CCDC110: variants seen among roughly 807,000 people sequenced by gnomAD.
The protein encoded by CCDC110 is coiled-coil domain-containing protein 110.
Under a neutral mutation model 77.1 loss-of-function variants are expected in CCDC110, and 70 were observed. That is an observed-to-expected ratio of 0.91 (90% CI 0.75 to 1.11). CCDC110 has a LOEUF of 1.11. Among genes scored for constraint, CCDC110 ranks in the 50% least tolerant of loss-of-function variants. The pLI, the probability that CCDC110 is intolerant of heterozygous loss-of-function variation, is 0.00. For synonymous variants in CCDC110, 295 were observed against 312.5 expected (o/e 0.94, Z 0.59); for missense variants, 868 against 942.9 (o/e 0.92, Z 1.04).
rs751181963 is a variant in CCDC110 at position 185,471,676 on chromosome 4, G to A, written c.8C>T (p.Pro3Leu). Reference protein sequence around the residue: MSPEKQHREEDEV... With the variant: MSLEKQHREEDEV... The stretch of plus-strand genomic sequence containing the variant: ...GCCCCGCCCCGTCCAACTCTTACCC[G>A]GGCTCATCGCCGCGGCTCATCTCTC... Residue 3 changes from proline (P) to leucine (L), a missense_variant and splice_region_variant, in exon 1 of 7, where the codon CCG becomes CTG. By Grantham distance (98) the Pro-to-Leu change is moderately conservative. Transcript: ENST00000307588. 8.4e-6 allele frequency: 13 copies of A among 1,554,330 alleles called. No individual in the cohort carries two copies. The highest frequency in any genetic ancestry group is 1.0e-5 in the Non-Finnish European group (12 of 1,154,614).
intron 2 of CCDC110, among the ~76,000 whole-genome samples, chr4:185,464,094 T>C (rs2095651263): frequency 6.6e-6 from 1 of 152,224 alleles, no homozygotes; most frequent in South Asian, 2.1e-4. Flanking sequence ...GTAAACTTTT[T>C]ATTAAAGAGT....
chr4:185,457,355 T>C, intron 6 of CCDC110: 1 of 455,960 alleles, frequency 2.2e-6, no homozygotes, highest in Non-Finnish European at 4.4e-6. Flanking sequence ...GGCATCTTAC[T>C]ATCCGTTATA....
At chr4:185,457,392 T>C (rs1324220793) in intron 6 of CCDC110, 2 of 444,304 alleles carry the variant, frequency 4.5e-6, no homozygotes, top group East Asian at 6.8e-5. Flanking sequence ...GCTCACTCTC[T>C]CCTGTAATGC....
intron 2 of CCDC110, among the ~76,000 whole-genome samples, chr4:185,464,592 C>A (rs1384473569): frequency 6.6e-6 from 1 of 152,202 alleles, no homozygotes; most frequent in East Asian, 1.9e-4. Flanking sequence ...AAAGTAACCT[C>A]TTCTAATGAA....
At chr4:185,455,514 A>G (rs2095634708) in intron 6 of CCDC110, among the ~76,000 whole-genome samples, 2 of 152,220 alleles carry the variant, frequency 1.3e-5, no homozygotes, top group Non-Finnish European at 2.9e-5. Flanking sequence ...CCCTAGGGAT[A>G]ATGAAGGTTA....
chr4:185,462,303 C>G (rs1336216827), intron 4 of CCDC110, among the ~76,000 whole-genome samples: 10 of 152,112 alleles, frequency 6.6e-5, no homozygotes, highest in Non-Finnish European at 1.3e-4. Flanking sequence ...CCAGGACTTT[C>G]ATTTACTTGA....
At chr4:185,452,356 T>A (rs1408194677) in intron 6 of CCDC110, 3 of 985,294 alleles carry the variant, frequency 3.0e-6, no homozygotes, top group Non-Finnish European at 3.6e-6. Context: ...TCTGCTTACA[T>A]CTGTTCAAGG....
chr4:185,453,659 C>T (rs1223186793), intron 6 of CCDC110, among the ~76,000 whole-genome samples: 3 of 151,236 alleles, frequency 2.0e-5, no homozygotes, highest in African/African-American at 7.3e-5. Flanking sequence ...GCAATCCTGC[C>T]ACAGCCTCCT....
chr4:185,465,932 GA>G (rs2153323921), intron 2 of CCDC110, among the ~76,000 whole-genome samples: 1 of 152,298 alleles, frequency 6.6e-6, no homozygotes, highest in Non-Finnish European at 1.5e-5. Context: ...TTTACTGGGG[GA>G]AAACAGTAGA....
In CCDC110 at chr4:185,459,498, G is replaced by T; in HGVS notation, c.1089C>A (p.Ile363=). ...KNEKNNKEIP[I]TGKNITDLKF... ...TTAAATCTGTAATATTTTTGCCAGT[G>T]ATGGGAATTTCTTTATTGTTTTTCT... The change falls in exon 6 of 7, where the codon ATC becomes ATA. Residue 363 remains isoleucine, a synonymous_variant. Transcript: ENST00000307588. 1 of 1,613,590 alleles carries T rather than the reference G, an allele frequency of 6.2e-7. No individual in the cohort carries two copies. The highest frequency in any genetic ancestry group is 1.1e-5 in the South Asian group (1 of 91,052).
intron 6 of CCDC110, among the ~76,000 whole-genome samples, chr4:185,457,493 G>A (rs1164900572): frequency 6.6e-6 from 1 of 152,148 alleles, no homozygotes; most frequent in Non-Finnish European, 1.5e-5. Context: ...TCCTGCTATT[G>A]TAACAAACTC....
At chr4:185,456,302 T>A (rs1194604437) in intron 6 of CCDC110, among the ~76,000 whole-genome samples, 1 of 152,076 alleles carries the variant, frequency 6.6e-6, no homozygotes, top group East Asian at 1.9e-4. Context: ...TTGAACTGAA[T>A]GAAAATGAAA....
chr4:185,454,476 G>T (rs2095633331), intron 6 of CCDC110, among the ~76,000 whole-genome samples: 1 of 152,030 alleles, frequency 6.6e-6, no homozygotes, highest in South Asian at 2.1e-4. Flanking sequence ...CACTTTGGGA[G>T]GCTGAGGCGG....
intron 2 of CCDC110, among the ~76,000 whole-genome samples, chr4:185,465,823 G>A (rs1261306850): frequency 1.3e-5 from 2 of 152,146 alleles, no homozygotes; most frequent in Non-Finnish European, 2.9e-5. Context: ...TGGAGATGAA[G>A]CCAGCAGCAT....
At chr4:185,453,670 A>G (rs893734610) in intron 6 of CCDC110, among the ~76,000 whole-genome samples, 1 of 149,900 alleles carries the variant, frequency 6.7e-6, no homozygotes, top group Non-Finnish European at 1.5e-5. Context: ...ACAGCCTCCT[A>G]AGTAGCTGGG....
chr4:185,453,662 AG>A (rs2095632275), intron 6 of CCDC110, among the ~76,000 whole-genome samples: 1 of 148,896 alleles, frequency 6.7e-6, no homozygotes, highest in Non-Finnish European at 1.5e-5. Context: ...ATCCTGCCAC[AG>A]CCTCCTAAGT....
At chr4:185,455,510 G>T (rs190477353) in intron 6 of CCDC110, among the ~76,000 whole-genome samples, 144 of 152,206 alleles carry the variant, frequency 9.5e-4, no homozygotes, top group African/African-American at 3.3e-3. Context: ...ATACCCCTAG[G>T]GATAATGAAG....
chr4:185,458,541 AT>A lies in CCDC110; in HGVS notation c.2045del (p.Asn682MetfsTer27). 6.2e-7 allele frequency: 1 copy of A among 1,608,006 alleles called. No homozygotes were observed. Among genetic ancestry groups the A allele is most frequent in the Non-Finnish European group, 8.5e-7 (1 of 1,179,122 alleles). Reference sequence around the variant, plus strand: ...TATAAATACTTGCTTCTGATTTTGCATTTTTTATTTCTTGCAGAAAATTCTC... The same window carrying A: ...TATAAATACTTGCTTCTGATTTTGCATTTTTATTTCTTGCAGAAAATTCTC... ...AEENFLQEIK[N>X]AKSEASIYKN... On this transcript the variant is annotated frameshift_variant, in exon 6 of 7. Transcript: ENST00000307588. LOFTEE classifies it high-confidence loss of function.
intron 5 of CCDC110, among the ~76,000 whole-genome samples, chr4:185,460,562 G>C (rs1269421447): frequency 6.6e-6 from 1 of 152,210 alleles, no homozygotes; most frequent in Admixed American, 6.5e-5. Flanking sequence ...GGAACCGATA[G>C]GTCAAATGGG....
Sources: gnomAD v4.1 joint callset for allele counts (sites outside exome capture counted in the v4.1 genomes callset) on GRCh38, gnomAD v4.1.1 for gene constraint, MANE v1.5 for transcripts, NCBI Gene and HGNC (gene_info 2026-07-23, HGNC 2026-07-21) for gene names.